Variants in SPATA13 observed in about 807,000 individuals in gnomAD.
SPATA13 encodes spermatogenesis associated 13.
In SPATA13, 50 loss-of-function variants were observed where a neutral mutation model predicts 104.0. That is an observed-to-expected ratio of 0.48 (90% CI 0.38 to 0.61). The LOEUF is 0.61. SPATA13 is among the 20% of genes least tolerant of loss of function. The pLI is 0.00. For missense variants in SPATA13, 1,524 were observed against 1,690.6 expected, an observed-to-expected ratio of 0.90 and a Z score of 1.73; for synonymous variants, 606 against 667.5, an observed-to-expected ratio of 0.91 and a Z score of 1.42.
chr13:24,000,688 GA>G (rs1357249036), intron 2 of SPATA13, among the ~76,000 whole-genome samples: 1 of 152,072 alleles, frequency 6.6e-6, no homozygotes, highest in Non-Finnish European at 1.5e-5. Flanking sequence ...TCAAGAAAGG[GA>G]ATTCAGGAAA....
intron 9 of SPATA13, among the ~76,000 whole-genome samples, chr13:24,294,452 A>G (rs766801207): frequency 8.5e-5 from 13 of 152,224 alleles, no homozygotes; most frequent in Admixed American, 5.2e-4. Context: ...CGTGACTAAA[A>G]CTTACTTATT....
At chr13:24,209,732 G>T (rs752082298) in intron 1 of SPATA13, among the ~76,000 whole-genome samples, 21 of 152,128 alleles carry the variant, frequency 1.4e-4, no homozygotes, top group Non-Finnish European at 2.6e-4. Context: ...GAACAAGGGG[G>T]TGTAGACGTC....
At chr13:24,047,860 T>C (rs991217679) in intron 3 of SPATA13, among the ~76,000 whole-genome samples, 1 of 152,182 alleles carries the variant, frequency 6.6e-6, no homozygotes, top group African/African-American at 2.4e-5. Context: ...AACCTGGAGA[T>C]GTGGGAGAGC....
intron 3 of SPATA13, among the ~76,000 whole-genome samples, chr13:24,149,453 C>T (rs1156512327): frequency 2.0e-5 from 3 of 152,194 alleles, no homozygotes; most frequent in Non-Finnish European, 4.4e-5. Context: ...CCTGGACCTT[C>T]CCTTTCTGTT....
At chr13:24,075,691 G>A (rs1358594483) in intron 3 of SPATA13, among the ~76,000 whole-genome samples, 1 of 152,198 alleles carries the variant, frequency 6.6e-6, no homozygotes, top group African/African-American at 2.4e-5. Flanking sequence ...ACTGTTGTCT[G>A]TAATTTCAGC....
upstream of SPATA13, among the ~76,000 whole-genome samples, chr13:24,160,492 C>T (rs1255803683): frequency 1.3e-5 from 2 of 152,178 alleles, no homozygotes; most frequent in African/African-American, 2.4e-5. Context: ...GATCCGCCCA[C>T]CTCGGCCTCC....
intron 3 of SPATA13, among the ~76,000 whole-genome samples, chr13:24,101,689 C>A (rs1424071230): frequency 6.6e-6 from 1 of 152,178 alleles, no homozygotes; most frequent in Non-Finnish European, 1.5e-5. Context: ...TCTACTAATC[C>A]GTAGAAGTGG....
intron 3 of SPATA13, among the ~76,000 whole-genome samples, chr13:24,085,205 C>T (rs1384960231): frequency 3.3e-5 from 5 of 152,182 alleles, no homozygotes; most frequent in African/African-American, 9.7e-5. Flanking sequence ...TCACTGCAAC[C>T]TCTGCCTCCC....
intron 3 of SPATA13, among the ~76,000 whole-genome samples, chr13:24,043,765 T>C (rs1878022413): frequency 6.6e-6 from 1 of 152,306 alleles, no homozygotes; most frequent in Non-Finnish European, 1.5e-5. Flanking sequence ...TTCTGCAGCA[T>C]GTTTTCCCGA....
At chr13:23,992,972 G>A (rs776675708) in intron 2 of SPATA13, among the ~76,000 whole-genome samples, 11 of 152,204 alleles carry the variant, frequency 7.2e-5, no homozygotes, top group Non-Finnish European at 1.6e-4. Flanking sequence ...CAAGCCAGCT[G>A]TGCCCTGAGA....
rs79317645 is a variant in SPATA13, at chr13:24,285,137, G to C, written c.2301+866G>C. 4.9e-3 allele frequency among the ~76,000 whole-genome samples: 747 copies of C among 152,244 alleles called. 7 individuals are homozygous for C. The highest frequency in any genetic ancestry group is 0.017 in the African/African-American group (719 of 41,544). Reference sequence around the variant, plus strand: ...TGGCCAGTGATGTGTATCGTTGGGCGCTAAGGAGATGGGCAAAATCACCTG... The same window carrying C: ...TGGCCAGTGATGTGTATCGTTGGGCCCTAAGGAGATGGGCAAAATCACCTG... On this transcript the variant is annotated intron_variant, in intron 5 of 12. Coordinates refer to ENST00000382108, the MANE Select transcript of SPATA13 (RefSeq NM_001166271.3).
intron 2 of SPATA13, among the ~76,000 whole-genome samples, chr13:24,002,805 C>T (rs1196995774): frequency 2.0e-5 from 3 of 152,276 alleles, no homozygotes; most frequent in East Asian, 1.9e-4. Context: ...TTGGCAGGCA[C>T]GGACGTAGAA....
At chr13:24,262,629 G>A (rs948065448) in intron 4 of SPATA13, among the ~76,000 whole-genome samples, 2 of 152,170 alleles carry the variant, frequency 1.3e-5, no homozygotes, top group African/African-American at 4.8e-5. Context: ...AAGTCTTCAT[G>A]TCTTTATCTG....
At chr13:24,038,491 A>G (rs1877797967) in intron 3 of SPATA13, among the ~76,000 whole-genome samples, 2 of 152,172 alleles carry the variant, frequency 1.3e-5, no homozygotes, top group South Asian at 4.1e-4. Context: ...AGGACAAATC[A>G]CTGCAGCACT....
At chr13:24,186,172 A>G (rs1441394479) in intron 1 of SPATA13, among the ~76,000 whole-genome samples, 1 of 152,198 alleles carries the variant, frequency 6.6e-6, no homozygotes, top group Non-Finnish European at 1.5e-5. Flanking sequence ...GAACCATCAC[A>G]ACTACCAGTG....
At chr13:23,999,444 AT>A (rs1382114051) in intron 2 of SPATA13, among the ~76,000 whole-genome samples, 2 of 148,102 alleles carry the variant, frequency 1.4e-5, no homozygotes, top group Admixed American at 1.3e-4. Context: ...ATTTGAGAAG[AT>A]TTGGCATATT....
chr13:24,228,791 T>G (rs1486074133), intron 2 of SPATA13, among the ~76,000 whole-genome samples: 1 of 152,232 alleles, frequency 6.6e-6, no homozygotes, highest in Non-Finnish European at 1.5e-5. Context: ...TATGAAAAGT[T>G]GTAATCAACA....
At chr13:24,235,803 C>T (rs1872535513) in intron 2 of SPATA13, among the ~76,000 whole-genome samples, 1 of 152,214 alleles carries the variant, frequency 6.6e-6, no homozygotes, top group Non-Finnish European at 1.5e-5. Context: ...CAGTGTAAGT[C>T]TAGCAATTGC....
chr13:24,134,427 A>T lies in SPATA13; in HGVS notation c.-111-88392A>T, dbSNP rs140471748. The stretch of plus-strand genomic sequence containing the variant: ...TCTTGCTGTTGTTTATCACAGAGGC[A>T]GATGGGTGGGGGTGCGCCTGCTACA... On this transcript the variant is annotated intron_variant, in intron 3 of 14. Coordinates refer to the SPATA13 transcript ENST00000424834. 2.2e-3 allele frequency among the ~76,000 whole-genome samples: 339 copies of T among 152,314 alleles called. 2 individuals carry two copies. The highest frequency in any genetic ancestry group is 7.5e-3 in the African/African-American group (311 of 41,564).
Sources: gnomAD v4.1 joint callset for allele counts (sites outside exome capture counted in the v4.1 genomes callset) on GRCh38, gnomAD v4.1.1 for gene constraint, MANE v1.5 for transcripts, NCBI Gene and HGNC (gene_info 2026-07-23, HGNC 2026-07-21) for gene names.